Variants in AVL9 observed in about 807,000 individuals in gnomAD.
The protein encoded by AVL9 is late secretory pathway protein AVL9 homolog.
A neutral mutation model predicts 79.2 loss-of-function variants in AVL9; 49 were observed. That is an observed-to-expected ratio of 0.62 (90% CI 0.49 to 0.79). The LOEUF (loss-of-function observed/expected upper bound fraction) is 0.79. AVL9 is among the 30% of genes least tolerant of loss of function. The pLI, the probability that AVL9 is intolerant of heterozygous loss-of-function variation, is 0.00. For missense variants in AVL9, 682 were observed against 776.8 expected (o/e 0.88, Z 1.45); for synonymous variants, 299 against 280.6 (o/e 1.07, Z -0.65).
chr7:32,566,808 G>A (rs1177542275), intron 10 of AVL9, among the ~76,000 whole-genome samples: 4 of 152,116 alleles, frequency 2.6e-5, no homozygotes, highest in Non-Finnish European at 5.9e-5. Context: ...GCATGAACCC[G>A]GGAGGCGGAG....
intron 1 of AVL9, chr7:32,534,956 AAATG>A (rs1788829491): frequency 6.6e-6 from 1 of 152,142 alleles, no homozygotes; most frequent in Admixed American, 6.5e-5. Flanking sequence ...TCAAACAAAT[AAATG>A]AAAGTTTCCA....
At chr7:32,552,115 G>A (rs207467765) in intron 5 of AVL9, 114 bp from the exon 6 acceptor site, 8 of 651,624 alleles carry the variant, frequency 1.2e-5, no homozygotes, top group East Asian at 3.0e-5. Flanking sequence ...TAAATTTAGC[G>A]CCTAGCAGAA....
intron 1 of AVL9, among the ~76,000 whole-genome samples, chr7:32,540,871 C>CTTTT (rs749306635): frequency 1.2e-4 from 9 of 72,470 alleles, no homozygotes; most frequent in African/African-American, 3.4e-4. Context: ...TGTTGTACTA[C>CTTTT]TTTTTTTTTT....
chr7:32,577,956 A>G (rs1390050719), intron 13 of AVL9, among the ~76,000 whole-genome samples: 1 of 152,140 alleles, frequency 6.6e-6, no homozygotes, highest in Admixed American at 6.5e-5. Flanking sequence ...ATGGCATGCA[A>G]ATTTGTTAAT....
intron 10 of AVL9, among the ~76,000 whole-genome samples, chr7:32,564,806 G>T (rs1354343426): frequency 6.6e-6 from 1 of 152,284 alleles, no homozygotes; most frequent in East Asian, 1.9e-4. Flanking sequence ...CAGCTGTGGG[G>T]TAGGCTGCCT....
chr7:32,513,244 G>A (rs1787758091), intron 1 of AVL9, among the ~76,000 whole-genome samples: 1 of 152,140 alleles, frequency 6.6e-6, no homozygotes, highest in South Asian at 2.1e-4. Context: ...CATCCCAATG[G>A]ATTCCCTCCT....
chr7:32,533,080 G>A (rs917645413), intron 1 of AVL9: 1 of 152,302 alleles, frequency 6.6e-6, no homozygotes, highest in Non-Finnish European at 1.5e-5. Context: ...GCTGAGGCGG[G>A]TGGATCACTT....
chr7:32,499,097 A>C (rs1247950937), intron 1 of AVL9, among the ~76,000 whole-genome samples: 1 of 151,100 alleles, frequency 6.6e-6, no homozygotes, highest in Non-Finnish European at 1.5e-5. Flanking sequence ...TGGGAGGCGG[A>C]GGTTACAGTG....
At chr7:32,515,085 CTCTT>C (rs1178593708) in intron 1 of AVL9, among the ~76,000 whole-genome samples, 1 of 152,142 alleles carries the variant, frequency 6.6e-6, no homozygotes, top group Non-Finnish European at 1.5e-5. Flanking sequence ...AATCTGATCT[CTCTT>C]TGTTTTCCCC....
chr7:32,553,622 C>T (rs1789931010), intron 6 of AVL9, 105 bp from the exon 7 acceptor site: 19 of 607,070 alleles, frequency 3.1e-5, no homozygotes, highest in Non-Finnish European at 5.0e-5. Flanking sequence ...CATATTCCTA[C>T]TTTTTTTTTT....
chr7:32,540,219 A>G (rs1222564960), intron 1 of AVL9, among the ~76,000 whole-genome samples: 1 of 152,250 alleles, frequency 6.6e-6, no homozygotes, highest in Non-Finnish European at 1.5e-5. Context: ...TTTTATGCTG[A>G]AATAAATTAT....
At chr7:32,577,418 T>C (rs1791153395) in intron 13 of AVL9, among the ~76,000 whole-genome samples, 1 of 152,186 alleles carries the variant, frequency 6.6e-6, no homozygotes, top group South Asian at 2.1e-4. Flanking sequence ...GGCAAAACCA[T>C]TTTAATAGTA....
At chr7:32,579,590 A>ATATTATATAT (rs1554348260) in intron 13 of AVL9, among the ~76,000 whole-genome samples, 1 of 18,826 alleles carries the variant, frequency 5.3e-5, no homozygotes, top group African/African-American at 2.6e-4. Flanking sequence ...ATTATATATT[A>ATATTATATAT]TATATTATAT....
chr7:32,509,148 C>T, intron 1 of AVL9, among the ~76,000 whole-genome samples: 1 of 152,146 alleles, frequency 6.6e-6, no homozygotes, highest in East Asian at 1.9e-4. Context: ...GGCGTGGAAG[C>T]AGCTAACTGA....
intron 15 of AVL9, among the ~76,000 whole-genome samples, chr7:32,583,516 A>C (rs561048606): frequency 6.6e-6 from 1 of 152,070 alleles, no homozygotes; most frequent in South Asian, 2.1e-4. Context: ...CTGTCTCTAC[A>C]AAAAATCAAA....
chr7:32,495,822 C>A lies in AVL9; in HGVS notation c.93+20C>A. On this transcript the variant is annotated intron_variant, in intron 1 of 15. Coordinates refer to ENST00000318709, the MANE Select transcript of AVL9 (RefSeq NM_015060.3). Reference sequence around the variant, plus strand: ...TGCCAGGTGAGGAAAGGGCCCGCCCCCGCCCCCAGCCGTTCGGGCGTTCGC... The same window carrying A: ...TGCCAGGTGAGGAAAGGGCCCGCCCACGCCCCCAGCCGTTCGGGCGTTCGC... 8.0e-7 allele frequency: 1 copy of A among 1,252,502 alleles called. No individual in the cohort carries two copies. Among genetic ancestry groups the A allele is most frequent in the Middle Eastern group, 2.2e-4 (1 of 4,644 alleles). 77.6% of individuals were successfully genotyped at this position (1,252,502 alleles called of 1,614,324 possible). A position where few individuals can be genotyped will look rare whatever the true frequency, so the allele number is the denominator to read the frequency against.
chr7:32,503,406 A>ACACACACACACACAC (rs1424274246), intron 1 of AVL9, among the ~76,000 whole-genome samples: 18 of 145,796 alleles, frequency 1.2e-4, no homozygotes, highest in South Asian at 2.2e-4. Context: ...ACACACACAC[A>ACACACACACACACAC]AATTAGCCGG....
intron 1 of AVL9, chr7:32,537,116 C>T (rs138244460): frequency 2.6e-5 from 4 of 152,284 alleles, no homozygotes; most frequent in African/African-American, 9.6e-5. Context: ...CTGAAAGTTC[C>T]ATCCCTTTAA....
At chr7:32,564,566 A>G (rs2290217) in intron 10 of AVL9, among the ~76,000 whole-genome samples, 127,578 of 152,192 alleles carry the variant, frequency 0.84, 53,536 homozygotes, top group Middle Eastern at 0.88. Context: ...TACATAATAA[A>G]ATAATTATTT....
Sources: allele counts gnomAD v4.1 joint callset (sites outside exome capture counted in the v4.1 genomes callset), GRCh38; gene constraint gnomAD v4.1.1; transcripts MANE v1.5; gene names NCBI Gene and HGNC (gene_info 2026-07-23, HGNC 2026-07-21).